The following DYM variants were observed in gnomAD, a reference collection of about 807,000 sequenced individuals.
The protein encoded by DYM is dymeclin.
A neutral mutation model predicts 93.1 loss-of-function variants in DYM; 78 were observed. The ratio of observed to expected loss-of-function variants is 0.84; its 90% CI spans 0.70 to 1.01. The LOEUF is 1.01. Among genes scored for constraint, DYM ranks in the 50% least tolerant of loss-of-function variants. DYM has a pLI of 0.00. For missense variants in DYM, 789 were observed against 845.0 expected, an observed-to-expected ratio of 0.93 and a Z score of 0.82; for synonymous variants, 321 against 319.7, an observed-to-expected ratio of 1.00 and a Z score of -0.04.
At chr18:49,230,118 C>T (rs2093652450) in intron 13 of DYM, among the ~76,000 whole-genome samples, 1 of 152,156 alleles carries the variant, frequency 6.6e-6, no homozygotes, top group Non-Finnish European at 1.5e-5. Context: ...ATTATCTTCA[C>T]TATGGTGGTA....
chr18:49,087,874 G>T (rs978198368), intron 17 of DYM, among the ~76,000 whole-genome samples: 4 of 152,114 alleles, frequency 2.6e-5, no homozygotes, highest in African/African-American at 9.7e-5. Context: ...GGCCAGTGAT[G>T]ATGAGCATTT....
intron 1 of DYM, among the ~76,000 whole-genome samples, chr18:49,449,792 C>A (rs922428905): frequency 6.6e-6 from 1 of 152,100 alleles, no homozygotes; most frequent in East Asian, 1.9e-4. Flanking sequence ...CTTTCTGTAG[C>A]GTTCTGTCAA....
intron 16 of DYM, chr18:49,116,375 CATA>C (rs933089536): frequency 1.3e-5 from 2 of 152,094 alleles, no homozygotes; most frequent in Admixed American, 6.5e-5. Flanking sequence ...TACCCACAAG[CATA>C]ATGAGTCTTA....
chr18:49,459,516 A>C (rs73959370), intron 1 of DYM, among the ~76,000 whole-genome samples: 1,948 of 151,892 alleles, frequency 0.013, 33 homozygotes, highest in African/African-American at 0.044. Context: ...CCTCTGGTGG[A>C]CGCTACATTC....
intron 17 of DYM, among the ~76,000 whole-genome samples, chr18:49,057,211 A>G (rs1220055104): frequency 6.6e-6 from 1 of 152,218 alleles, no homozygotes; most frequent in African/African-American, 2.4e-5. Flanking sequence ...ACAGTTTACA[A>G]CTTTATGAAC....
At chr18:49,290,490 T>C (rs1488076548) in intron 8 of DYM, among the ~76,000 whole-genome samples, 1 of 152,052 alleles carries the variant, frequency 6.6e-6, no homozygotes, top group African/African-American at 2.4e-5. Flanking sequence ...ACTTGTATAG[T>C]TTAATTTTTC....
intron 13 of DYM, among the ~76,000 whole-genome samples, chr18:49,245,077 T>C (rs989517385): frequency 7.2e-5 from 11 of 152,332 alleles, no homozygotes; most frequent in South Asian, 4.2e-4. Flanking sequence ...TGAACATAAA[T>C]TGTGAAGATT....
chr18:49,277,039 T>C (rs917185341), intron 10 of DYM, among the ~76,000 whole-genome samples: 1 of 152,140 alleles, frequency 6.6e-6, no homozygotes, highest in African/African-American at 2.4e-5. Flanking sequence ...TTTTGCCAAC[T>C]CTATGGATGG....
rs1465486433 is a variant in DYM at position 49,182,662 on chromosome 18, TATTG to T, written c.1626-18879_1626-18876del. Among the ~76,000 whole-genome samples, 69 of 152,354 alleles carry T rather than the reference TATTG, an allele frequency of 4.5e-4. 1 individual carries two copies. The highest frequency in any genetic ancestry group is 3.4e-3 in the Middle Eastern group (1 of 294). ...TTTTGCTATAGTTTTCCATTTGTCCTATTGATTCTTTTTTTCCCCTTTTTCCATT... is the reference window on the plus strand; with the variant it reads ...TTTTGCTATAGTTTTCCATTTGTCCTATTCTTTTTTTCCCCTTTTTCCATT... On this transcript the variant is annotated intron_variant, in intron 14 of 17. Coordinates refer to ENST00000675505, the MANE Select transcript of DYM (RefSeq NM_001353214.3).
chr18:49,261,469 GA>G (rs1376911765), intron 11 of DYM, among the ~76,000 whole-genome samples: 1 of 152,212 alleles, frequency 6.6e-6, no homozygotes, highest in Non-Finnish European at 1.5e-5. Context: ...TCAGGAGTTT[GA>G]GACCAGCCTG....
chr18:49,155,274 T>A (rs1375960789), intron 15 of DYM, among the ~76,000 whole-genome samples: 2 of 152,252 alleles, frequency 1.3e-5, no homozygotes, highest in African/African-American at 4.8e-5. Context: ...CATTCACCTT[T>A]GTGCCATAAT....
intron 15 of DYM, among the ~76,000 whole-genome samples, chr18:49,156,936 G>T (rs1016324709): frequency 6.6e-6 from 1 of 151,838 alleles, no homozygotes; most frequent in Non-Finnish European, 1.5e-5. Flanking sequence ...ACCTAAAGTG[G>T]GGTGCCTGGC....
At chr18:49,198,071 G>A (rs1473877856) in intron 14 of DYM, among the ~76,000 whole-genome samples, 14 of 152,110 alleles carry the variant, frequency 9.2e-5, no homozygotes, top group African/African-American at 2.9e-4. Flanking sequence ...CTCAGAAATA[G>A]TGCCACACAT....
chr18:49,123,501 A>C (rs2082554203), intron 15 of DYM, among the ~76,000 whole-genome samples: 1 of 152,174 alleles, frequency 6.6e-6, no homozygotes, highest in African/African-American at 2.4e-5. Context: ...TCAATAAAGC[A>C]TCTATTCCAG....
chr18:49,309,799 A>G (rs2146328737), intron 8 of DYM, among the ~76,000 whole-genome samples: 1 of 152,368 alleles, frequency 6.6e-6, no homozygotes, highest in Admixed American at 6.5e-5. Context: ...TAGGGGAATA[A>G]TAATGGAAAA....
At chr18:49,281,745 C>A (rs2094984569) in intron 10 of DYM, among the ~76,000 whole-genome samples, 1 of 152,034 alleles carries the variant, frequency 6.6e-6, no homozygotes, top group African/African-American at 2.4e-5. Flanking sequence ...TAGGTGGGAA[C>A]TGAACAATGA....
intron 14 of DYM, among the ~76,000 whole-genome samples, chr18:49,172,868 A>G (rs2088925872): frequency 6.6e-6 from 1 of 152,114 alleles, no homozygotes; most frequent in Non-Finnish European, 1.5e-5. Flanking sequence ...CCAAGATCCC[A>G]AAGATTTTCT....
chr18:49,146,027 A>C (rs1432360912), intron 15 of DYM, among the ~76,000 whole-genome samples: 1 of 152,064 alleles, frequency 6.6e-6, no homozygotes, highest in East Asian at 1.9e-4. Flanking sequence ...ACCATATGTA[A>C]TATTCAAATT....
At chr18:49,456,348 C>A (rs1020440483) in intron 1 of DYM, among the ~76,000 whole-genome samples, 3 of 152,124 alleles carry the variant, frequency 2.0e-5, no homozygotes, top group African/African-American at 7.2e-5. Context: ...CATAGCCAAA[C>A]CTAAGCCTAA....
Sources: gnomAD v4.1 joint callset for allele counts (sites outside exome capture counted in the v4.1 genomes callset) on GRCh38, gnomAD v4.1.1 for gene constraint, MANE v1.5 for transcripts, NCBI Gene and HGNC (gene_info 2026-07-23, HGNC 2026-07-21) for gene names.